The following FAM78A variants were observed in gnomAD, a reference collection of about 807,000 sequenced individuals.
FAM78A encodes family with sequence similarity 78 member A, also known as protein FAM78A.
Under a neutral mutation model 22.6 loss-of-function variants are expected in FAM78A, and 12 were observed. The observed-to-expected ratio is 0.53, with a 90% CI of 0.34 to 0.86. FAM78A has a LOEUF of 0.86. Among genes scored for constraint, FAM78A ranks in the 40% least tolerant of loss-of-function variants. The pLI, the probability that FAM78A is intolerant of heterozygous loss-of-function variation, is 0.02. For synonymous variants in FAM78A, 151 were observed against 155.8 expected (o/e 0.97, Z 0.23); for missense variants, 322 against 396.1 (o/e 0.81, Z 1.59).
rs1203289110 is a variant in FAM78A, at chr9:131,260,770, T to C, written c.*52A>G. 6.7e-7 allele frequency: 1 copy of C among 1,496,804 alleles called. No individual in the cohort carries two copies. The highest frequency in any genetic ancestry group is 8.9e-7 in the Non-Finnish European group (1 of 1,126,316). 92.7% of individuals were successfully genotyped at this position (1,496,804 alleles called of 1,614,324 possible). ...GACTGAAGAGTGAGTCTGAGTTTTGTTTTCAGCGGTATTATTATTTGTGAG... is the reference window on the plus strand; with the variant it reads ...GACTGAAGAGTGAGTCTGAGTTTTGCTTTCAGCGGTATTATTATTTGTGAG... On this transcript the variant is annotated 3_prime_UTR_variant, in exon 2 of 2. Transcript: ENST00000372271. This position sits in a 1 kb window ranked among gnomAD's most constrained non-coding sequence, Gnocchi z 5.4.
intron 1 of FAM78A, chr9:131,270,427 C>T (rs1437089264): frequency 4.2e-6 from 3 of 717,438 alleles, no homozygotes; most frequent in Admixed American, 2.0e-5. Context: ...TTGTCATTTC[C>T]CTGATTACTA....
Position 131,258,439 on chromosome 9 carries a change from C to T in FAM78A, c.*2383G>A, listed in dbSNP as rs1160950204. On this transcript the variant is annotated 3_prime_UTR_variant, in exon 2 of 2. Coordinates refer to ENST00000372271, the MANE Select transcript of FAM78A (RefSeq NM_033387.4). ...CTAGCCCTTCTTCGGTGAGGAAGGGCAGAAAGAAGGGGCACGGGTGAAGGT... is the reference window on the plus strand; with the variant it reads ...CTAGCCCTTCTTCGGTGAGGAAGGGTAGAAAGAAGGGGCACGGGTGAAGGT... 6.8e-6 allele frequency: 1 copy of T among 147,936 alleles called. No homozygotes were observed. The highest frequency in any genetic ancestry group is 2.5e-5 in the African/African-American group (1 of 39,620). The allele number at this position is 147,936 out of a possible 1,614,324, so 9.2% of individuals were successfully genotyped here. A position where few individuals can be genotyped will look rare whatever the true frequency, so the allele number is the denominator to read the frequency against.
chr9:131,276,773 T>C (rs1835489490), upstream of FAM78A, among the ~76,000 whole-genome samples: 2 of 151,162 alleles, frequency 1.3e-5, no homozygotes, highest in Admixed American at 1.3e-4. This position sits in a 1 kb window ranked among gnomAD's most constrained non-coding sequence, Gnocchi z 4.3. Flanking sequence ...CGCTCGCCGG[T>C]GACGGGGGAG....
At chr9:131,280,362 CAGCCTCAGCATATGTG>C (rs1363676713), upstream of FAM78A, among the ~76,000 whole-genome samples, 1 of 152,226 alleles carries the variant, frequency 6.6e-6, no homozygotes, top group Non-Finnish European at 1.5e-5. Context: ...AGACCCACGG[CAGCCTCAGCATATGTG>C]GAAGGCTCAT....
Position 131,275,993 on chromosome 9 carries a change from G to A in FAM78A, c.187C>T (p.Arg63Cys). The part of the protein sequence containing the change: ...SIDESSSVVL[R>C]YRTPHFRASA... ...GCCCGGAAGTGGGGTGTCCGGTAGCGGAGCACCACGCTGGAGGACTCATCG... is the reference window on the plus strand; with the variant it reads ...GCCCGGAAGTGGGGTGTCCGGTAGCAGAGCACCACGCTGGAGGACTCATCG... Residue 63 changes from arginine (R) to cysteine (C), a missense_variant, in exon 1 of 2, where the codon CGC becomes TGC. Transcript: ENST00000372271. The surrounding 1 kb of genome is among the most constrained non-coding windows in gnomAD (Gnocchi z 4.6). 4 of 1,613,668 alleles carry A rather than the reference G, an allele frequency of 2.5e-6. No individual in the cohort carries two copies. Among genetic ancestry groups the A allele is most frequent in the East Asian group, 2.2e-5 (1 of 44,882 alleles).
intron 1 of FAM78A, among the ~76,000 whole-genome samples, chr9:131,267,218 G>A (rs569694003): frequency 1.5e-4 from 23 of 152,252 alleles, no homozygotes; most frequent in African/African-American, 3.6e-4. Flanking sequence ...CCTCAGCCTC[G>A]CAAGCTGTTG....
intron 1 of FAM78A, among the ~76,000 whole-genome samples, chr9:131,264,962 AT>A (rs1835326118): frequency 6.6e-6 from 1 of 152,126 alleles, no homozygotes; most frequent in Non-Finnish European, 1.5e-5. Context: ...ACCTCAGGTG[AT>A]CTGCCTGCCT....
At chr9:131,266,227 T>C (rs1457850626) in intron 1 of FAM78A, among the ~76,000 whole-genome samples, 4 of 152,052 alleles carry the variant, frequency 2.6e-5, no homozygotes, top group Non-Finnish European at 5.9e-5. Context: ...AAGGATCTTC[T>C]AAAAACACAA....
rs1246763901 is a variant in FAM78A at position 131,274,776 on chromosome 9, G to A, written c.323+1081C>T. Among the ~76,000 whole-genome samples the A allele has an allele frequency of 1.3e-5, 2 of 152,170 alleles. No homozygotes were observed. The highest frequency in any genetic ancestry group is 2.4e-5 in the African/African-American group (1 of 41,438). On this transcript the variant is annotated intron_variant, in intron 1 of 1. Transcript: ENST00000372271. This position sits in a 1 kb window ranked among gnomAD's most constrained non-coding sequence, Gnocchi z 4.2. Reference sequence around the variant, plus strand: ...CTCCTCTTTTCCCCACTTGCAAAACGGGGACGTGAAGCTGCACAGGGTAGA... The same window carrying A: ...CTCCTCTTTTCCCCACTTGCAAAACAGGGACGTGAAGCTGCACAGGGTAGA...
intron 1 of FAM78A, among the ~76,000 whole-genome samples, chr9:131,270,032 T>TAAAAAAAAAAAA (rs1435340970): frequency 2.9e-5 from 1 of 34,098 alleles, no homozygotes; most frequent in Admixed American, 3.6e-4. Flanking sequence ...CCATCCCTAC[T>TAAAAAAAAAAAA]AAAATAAAAA....
chr9:131,262,310 C>CAA (rs1312713039), intron 1 of FAM78A, among the ~76,000 whole-genome samples: 1,196 of 75,608 alleles, frequency 0.016, 17 homozygotes, highest in African/African-American at 0.05. Context: ...ACTCTGTCTC[C>CAA]AAAAAAAAAA....
intron 1 of FAM78A, among the ~76,000 whole-genome samples, chr9:131,268,892 C>CA (rs35244977): frequency 0.47 from 63,513 of 133,952 alleles, 15,231 homozygotes; most frequent in East Asian, 0.72. Flanking sequence ...GACTCCGTCT[C>CA]AAAAAAAAAA....
chr9:131,275,312 AAC>A lies in FAM78A; in HGVS notation c.323+543_323+544del, dbSNP rs1288796484. On this transcript the variant is annotated intron_variant, in intron 1 of 1. Coordinates refer to ENST00000372271, the MANE Select transcript of FAM78A (RefSeq NM_033387.4). This position sits in a 1 kb window ranked among gnomAD's most constrained non-coding sequence, Gnocchi z 4.6. ...GCTTCTAAAACTAACTGTGCTCTCAAACACAGTGCCGTTTGGAACGGGGAAGC... is the reference window on the plus strand; with the variant it reads ...GCTTCTAAAACTAACTGTGCTCTCAAACAGTGCCGTTTGGAACGGGGAAGC... 6.6e-6 allele frequency among the ~76,000 whole-genome samples: 1 copy of A among 152,224 alleles called. No individual in the cohort carries two copies. The highest frequency in any genetic ancestry group is 1.5e-5 in the Non-Finnish European group (1 of 68,038).
intron 1 of FAM78A, among the ~76,000 whole-genome samples, chr9:131,269,685 C>T (rs1835392889): frequency 6.6e-6 from 1 of 152,084 alleles, no homozygotes; most frequent in Admixed American, 6.6e-5. Flanking sequence ...CCATGTTGGC[C>T]AGGCTGGTCT....
upstream of FAM78A, among the ~76,000 whole-genome samples, chr9:131,276,723 C>A (rs1331860059): frequency 4.6e-5 from 7 of 151,798 alleles, no homozygotes; most frequent in South Asian, 1.5e-3. The surrounding 1 kb of genome is among the most constrained non-coding windows in gnomAD (Gnocchi z 4.3). Context: ...GGGGCGAGCG[C>A]CGACCCGCGG....
chr9:131,261,709 C>T lies in FAM78A; in HGVS notation c.324-359G>A, dbSNP rs565571828. On this transcript the variant is annotated intron_variant, in intron 1 of 1. Transcript: ENST00000372271. This position sits in a 1 kb window ranked among gnomAD's most constrained non-coding sequence, Gnocchi z 7.1. ...ATTACAGGCTCACAGACAATCTTCTCCATGCAACCCCACCCGGCAGATACA... is the reference window on the plus strand; with the variant it reads ...ATTACAGGCTCACAGACAATCTTCTTCATGCAACCCCACCCGGCAGATACA... Among the ~76,000 whole-genome samples, 35 of 152,296 alleles carry T rather than the reference C, an allele frequency of 2.3e-4. No homozygotes were observed. In the South Asian group the frequency reaches 7.0e-3, roughly 31 times the overall value.
rs560127323 is a variant in FAM78A, at chr9:131,274,885, G to A, written c.323+972C>T. Among the ~76,000 whole-genome samples the A allele has an allele frequency of 2.7e-4, 41 of 152,242 alleles. No individual in the cohort carries two copies. The highest frequency in any genetic ancestry group is 9.6e-4 in the African/African-American group (40 of 41,544). ...GAGAGAGGTTCTGGGAGTGTCAGCGGCCAGTCACGGGGCCGCATGGGTGGG... is the reference window on the plus strand; with the variant it reads ...GAGAGAGGTTCTGGGAGTGTCAGCGACCAGTCACGGGGCCGCATGGGTGGG... On this transcript the variant is annotated intron_variant, in intron 1 of 1. Transcript: ENST00000372271. The surrounding 1 kb of genome is among the most constrained non-coding windows in gnomAD (Gnocchi z 4.2).
In FAM78A at chr9:131,276,000, C is replaced by G; in HGVS notation, c.180G>C (p.Val60=). ...AGTGGGGTGTCCGGTAGCGGAGCACCACGCTGGAGGACTCATCGATGCTAG... is the reference window on the plus strand; with the variant it reads ...AGTGGGGTGTCCGGTAGCGGAGCACGACGCTGGAGGACTCATCGATGCTAG... The part of the protein sequence containing the change: ...VPTSIDESSS[V]VLRYRTPHFR... The change falls in exon 1 of 2, where the codon GTG becomes GTC. Residue 60 remains valine, a synonymous_variant. Coordinates refer to ENST00000372271, the MANE Select transcript of FAM78A (RefSeq NM_033387.4). The surrounding 1 kb of genome is among the most constrained non-coding windows in gnomAD (Gnocchi z 4.6). 6.2e-7 allele frequency: 1 copy of G among 1,613,680 alleles called. No homozygotes were observed.
In FAM78A at chr9:131,261,124, A is replaced by G; in HGVS notation, c.550T>C (p.Tyr184His). 6.2e-7 allele frequency: 1 copy of G among 1,614,064 alleles called. No homozygotes were observed. Among genetic ancestry groups the G allele is most frequent in the African/African-American group, 1.3e-5 (1 of 75,022 alleles). ...ESNVAKLTNI[Y>H]RDQSFTTWLV... ...CAGGTGGTGAAGCTCTGGTCCCGGT[A>G]GATATTGGTGAGCTTGGCCACGTTG... Residue 184 changes from tyrosine (Y) to histidine (H), a missense_variant, in exon 2 of 2, where the codon TAC (tyrosine) becomes CAC (histidine). By Grantham distance (83) the Tyr-to-His change is moderately conservative. Coordinates refer to ENST00000372271, the MANE Select transcript of FAM78A (RefSeq NM_033387.4). The surrounding 1 kb of genome is among the most constrained non-coding windows in gnomAD (Gnocchi z 7.1).
Sources: allele counts gnomAD v4.1 joint callset (sites outside exome capture counted in the v4.1 genomes callset), GRCh38; gene constraint gnomAD v4.1.1; non-coding constraint Gnocchi (gnomAD v3.1); transcripts MANE v1.5; gene names NCBI Gene and HGNC (gene_info 2026-07-23, HGNC 2026-07-21).